The following ITIH4 variants were observed in gnomAD, a reference collection of about 807,000 sequenced individuals.
ITIH4 encodes inter-alpha-trypsin inhibitor heavy chain 4.
Under a neutral mutation model 111.8 loss-of-function variants are expected in ITIH4, and 79 were observed. That is an observed-to-expected ratio of 0.71 (90% CI 0.59 to 0.85). The LOEUF is 0.85. Ranked by LOEUF, ITIH4 falls within the 40% of genes least tolerant of loss-of-function variation. The pLI, the probability that ITIH4 is intolerant of heterozygous loss-of-function variation, is 0.00. For synonymous variants in ITIH4, 472 were observed against 468.3 expected, an observed-to-expected ratio of 1.01 and a Z score of -0.10; for missense variants, 1,065 against 1,195.8, an observed-to-expected ratio of 0.89 and a Z score of 1.61.
chr3:52,821,213 T>C (rs2239547), intron 11 of ITIH4, 83 bp from the exon 12 acceptor site: 401,736 of 1,517,096 alleles, frequency 0.26, 56,135 homozygotes, highest in Admixed American at 0.46. Flanking sequence ...TCTTCCATGA[T>C]TGGGGCTGGG....
intron 21 of ITIH4, among the ~76,000 whole-genome samples, chr3:52,816,416 T>C (rs1015062870): frequency 2.6e-5 from 4 of 152,200 alleles, no homozygotes; most frequent in Non-Finnish European, 4.4e-5. Context: ...CTTCTCACTA[T>C]TGTCATCAGA....
intron 1 of ITIH4, chr3:52,829,806 C>A (rs573346048): frequency 2.5e-5 from 4 of 158,762 alleles, no homozygotes; most frequent in African/African-American, 7.2e-5. Flanking sequence ...TGGGAGAATT[C>A]GGAGGTAGAC....
chr3:52,820,069 G>A, intron 14 of ITIH4, 79 bp from the exon 15 acceptor site: 2 of 1,487,168 alleles, frequency 1.3e-6, no homozygotes, highest in Non-Finnish European at 1.9e-6. Flanking sequence ...TGTATTCTTA[G>A]TGCTGGGGAC....
At position 52,830,583 on chromosome 3, in the gene ITIH4, C is replaced by T. The variant is rs879673934; in HGVS notation, c.60G>A (p.Leu20=). The change falls in exon 1 of 24, where the codon CTG becomes CTA. Residue 20 remains leucine (L), a synonymous_variant. Transcript: ENST00000266041. ...CSKVLVLLSL[L]AIHQTTTAEK... Reference sequence around the variant, plus strand: ...CGGCAGTAGTAGTCTGGTGGATGGCCAGCAGTGAAAGCAGGACGAGAACTT... The same window carrying T: ...CGGCAGTAGTAGTCTGGTGGATGGCTAGCAGTGAAAGCAGGACGAGAACTT... 1 of 1,614,148 alleles carries T rather than the reference C, an allele frequency of 6.2e-7. No homozygotes were observed. The highest frequency in any genetic ancestry group is 8.5e-7 in the Non-Finnish European group (1 of 1,180,016).
At position 52,829,253 on chromosome 3, in the gene ITIH4, G is replaced by T; in HGVS notation, c.117C>A (p.Thr39=). The change falls in exon 2 of 24, where the codon ACC becomes ACA. Residue 39 remains threonine, a synonymous_variant. Transcript: ENST00000266041. ...EKNGIDIYSL[T]VDSRVSSRFA... ...ATCGGGATGAGACCCTGGAGTCCAC[G>T]GTGAGGCTGTAGATGTCGATGCCAT... The T allele has an allele frequency of 3.7e-6, 6 of 1,612,338 alleles. No individual in the cohort carries two copies. The highest frequency in any genetic ancestry group is 5.1e-6 in the Non-Finnish European group (6 of 1,178,606).
chr3:52,813,925 G>A (rs1262751464), intron 23 of ITIH4, 50 bp downstream of exon 23: 34 of 1,484,304 alleles, frequency 2.3e-5, no homozygotes, highest in Non-Finnish European at 3.2e-5. Flanking sequence ...TGGCCTGCCA[G>A]TCCCCACCCC....
chr3:52,825,054 T>A, intron 6 of ITIH4, 96 bp from the exon 7 acceptor site: 1 of 794,060 alleles, frequency 1.3e-6, no homozygotes, highest in Non-Finnish European at 2.0e-6. Flanking sequence ...TTCTGTGCTC[T>A]GTTCCAATCC....
rs1379151849 is a variant in ITIH4, at chr3:52,823,580, G to A, written c.1515C>T (p.Leu505=). Residue 505 remains leucine (L), a synonymous_variant, in exon 11 of 24, where the codon CTC becomes CTT. Transcript: ENST00000266041. ...CCAGCTTCCCACTGACTGTGGCTGTGAGCACATCAGGCCCCCGGTCCTGGA... is the reference window on the plus strand; with the variant it reads ...CCAGCTTCCCACTGACTGTGGCTGTAAGCACATCAGGCCCCCGGTCCTGGA... ...GKLQDRGPDV[L]TATVSGKLPT... is the part of the protein sequence containing the mutation. 1.9e-6 allele frequency: 3 copies of A among 1,611,478 alleles called. No individual in the cohort carries two copies. The highest frequency in any genetic ancestry group is 2.5e-6 in the Non-Finnish European group (3 of 1,179,152).
Position 52,823,811 on chromosome 3 carries a change from G to C in ITIH4, c.1353+12C>G. 6.2e-7 allele frequency: 1 copy of C among 1,613,838 alleles called. No individual in the cohort carries two copies. The highest frequency in any genetic ancestry group is 8.5e-7 in the Non-Finnish European group (1 of 1,179,954). The stretch of plus-strand genomic sequence containing the variant: ...CACTTCTCTGTGCAGCCCACCTGGG[G>C]CACACTGGCACCTGGAGCTGCAGGG... On this transcript the variant is annotated intron_variant, in intron 10 of 23. Coordinates refer to ENST00000266041, the MANE Select transcript of ITIH4 (RefSeq NM_002218.5).
In ITIH4 at chr3:52,823,948, A is replaced by C. The variant is rs1578778572; in HGVS notation, c.1228T>G (p.Tyr410Asp). ...CCGAAGCCCAGGCAGAAGAGGCTGT[A>C]CCGGCCACTTACAGCTTCCCGCACG... ...NNVREAVSGR[Y>D]SLFCLGFGFD... Residue 410 changes from tyrosine to aspartate, a missense_variant, in exon 10 of 24, where the codon TAC (tyrosine) becomes GAC (aspartate). Physicochemically the swap from Tyr to Asp is radical, Grantham distance 160. Coordinates refer to ENST00000266041, the MANE Select transcript of ITIH4 (RefSeq NM_002218.5). 1 of 1,599,796 alleles carries C rather than the reference A, an allele frequency of 6.3e-7. No individual in the cohort carries two copies. Among genetic ancestry groups the C allele is most frequent in the Non-Finnish European group, 8.5e-7 (1 of 1,173,764 alleles).
chr3:52,824,766 C>T lies in ITIH4; in HGVS notation c.876+76G>A. 1 of 1,343,910 alleles carries T rather than the reference C, an allele frequency of 7.4e-7. No individual in the cohort carries two copies. The highest frequency in any genetic ancestry group is 1.0e-6 in the Non-Finnish European group (1 of 961,448). 83.2% of individuals were successfully genotyped at this position (1,343,910 alleles called of 1,614,324 possible). On this transcript the variant is annotated intron_variant, in intron 7 of 23. Coordinates refer to ENST00000266041, the MANE Select transcript of ITIH4 (RefSeq NM_002218.5). This position sits in a 1 kb window ranked among gnomAD's most constrained non-coding sequence, Gnocchi z 4.3. ...GTGCCGAAAGGTGAAGCAAGGGGGT[C>T]TGCCTGCCGGACCACAGCTGATAGC...
At chr3:52,819,135 G>C (rs1339208624) in intron 17 of ITIH4, 1 of 474,536 alleles carries the variant, frequency 2.1e-6, no homozygotes, top group East Asian at 4.1e-5. Context: ...CTGAGGAGAT[G>C]AGACGCTAAG....
chr3:52,821,209 A>G, intron 11 of ITIH4, 79 bp from the exon 12 acceptor site: 1 of 1,521,826 alleles, frequency 6.6e-7, no homozygotes, highest in Non-Finnish European at 8.9e-7. Flanking sequence ...GAGCTCTTCC[A>G]TGATTGGGGC....
Position 52,820,728 on chromosome 3 carries a change from T to C in ITIH4, c.1737A>G (p.Ser579=). The C allele has an allele frequency of 6.2e-7, 1 of 1,614,020 alleles. No individual in the cohort carries two copies. The highest frequency in any genetic ancestry group is 1.3e-5 in the African/African-American group (1 of 75,036). Residue 579 remains serine (S), a synonymous_variant, in exon 13 of 24, where the codon TCA becomes TCG. Transcript: ENST00000266041. Reference sequence around the variant, plus strand: ...GAGGCGTGACAAAGCTGTAGGCAAGTGATAAATTCAGCGCTTGGTTCCGGA... The same window carrying C: ...GAGGCGTGACAAAGCTGTAGGCAAGCGATAAATTCAGCGCTTGGTTCCGGA... ...QALRNQALNL[S]LAYSFVTPLT...
At chr3:52,825,119 ACCAGCC>A (rs965642791) in intron 6 of ITIH4, 161 bp from the exon 7 acceptor site, 16 of 463,716 alleles carry the variant, frequency 3.5e-5, no homozygotes, top group African/African-American at 3.2e-4. Flanking sequence ...CAGGGCTCAG[ACCAGCC>A]CCTTTCTTGC....
Position 52,813,217 on chromosome 3 carries a change from T to C in ITIH4, c.*204A>G, listed in dbSNP as rs934013972. On this transcript the variant is annotated 3_prime_UTR_variant, in exon 24 of 24. Transcript: ENST00000266041. ...CAGTGGAAGCTTCTGTGTTCCACGA[T>C]GCTAAGGTTCAGGATGCGAGGTTGA... 5.1e-6 allele frequency: 3 copies of C among 589,996 alleles called. No individual in the cohort carries two copies. The highest frequency in any genetic ancestry group is 3.7e-5 in the African/African-American group (2 of 53,362). The allele number at this position is 589,996 out of a possible 1,614,324, so 36.5% of individuals were successfully genotyped here.
chr3:52,827,439 T>C (rs1265147646), intron 2 of ITIH4, among the ~76,000 whole-genome samples: 1 of 152,228 alleles, frequency 6.6e-6, no homozygotes, highest in Non-Finnish European at 1.5e-5. Context: ...AGCATTCATT[T>C]TATAGAAGGG....
chr3:52,826,512 C>G, intron 5 of ITIH4, 29 bp downstream of exon 5: 1 of 1,552,018 alleles, frequency 6.4e-7, no homozygotes, highest in South Asian at 1.1e-5. Context: ...GCCCTTGGTA[C>G]CCTCACCTGC....
At position 52,819,832 on chromosome 3, in the gene ITIH4, G is replaced by GC. The variant is rs1199014047; in HGVS notation, c.1913-41dup. ...CCTGATCAGATACAACTGAACTGAG[G>GC]CCCGAGGGCTGTCACCAGCCAGAGG... On this transcript the variant is annotated intron_variant, in intron 15 of 23. Coordinates refer to ENST00000266041, the MANE Select transcript of ITIH4 (RefSeq NM_002218.5). 1.9e-6 allele frequency: 3 copies of GC among 1,612,038 alleles called. No individual in the cohort carries two copies. In the African/African-American group the frequency reaches 4.0e-5, roughly 22 times the overall value.
Sources: allele counts gnomAD v4.1 joint callset (sites outside exome capture counted in the v4.1 genomes callset), GRCh38; gene constraint gnomAD v4.1.1; non-coding constraint Gnocchi (gnomAD v3.1); transcripts MANE v1.5; gene names NCBI Gene and HGNC (gene_info 2026-07-23, HGNC 2026-07-21).